Variants in ADAMTS2 observed in about 807,000 individuals in gnomAD.
ADAMTS2 encodes A disintegrin and metalloproteinase with thrombospondin motifs 2.
In ADAMTS2, 50 loss-of-function variants were observed where a neutral mutation model predicts 123.0. The ratio of observed to expected loss-of-function variants is 0.41; its 90% confidence interval spans 0.32 to 0.51. The LOEUF is 0.51. ADAMTS2 is among the 20% of genes least tolerant of loss of function. The pLI is 0.35. For synonymous variants in ADAMTS2, 678 were observed against 695.4 expected (o/e 0.98, Z 0.39); for missense variants, 1,494 against 1,705.2 (o/e 0.88, Z 2.18).
intron 3 of ADAMTS2, among the ~76,000 whole-genome samples, chr5:179,213,681 A>G (rs796332727): frequency 6.6e-6 from 1 of 152,228 alleles, no homozygotes; most frequent in African/African-American, 2.4e-5. Flanking sequence ...TCCAGCTACA[A>G]ATTACTTGCA....
intron 5 of ADAMTS2, among the ~76,000 whole-genome samples, chr5:179,176,097 C>T (rs927741071): frequency 6.6e-5 from 10 of 152,214 alleles, no homozygotes; most frequent in Non-Finnish European, 1.5e-4. Context: ...GTAACATCTA[C>T]TCATATCCTA....
At chr5:179,227,839 G>T (rs1018204103) in intron 3 of ADAMTS2, among the ~76,000 whole-genome samples, 17 of 152,148 alleles carry the variant, frequency 1.1e-4, no homozygotes, top group Non-Finnish European at 2.2e-4. Flanking sequence ...GAGACTAGAG[G>T]GGGCAGGGCA....
intron 21 of ADAMTS2, 78 bp downstream of exon 21, chr5:179,121,582 AG>A (rs1192288475): frequency 5.1e-6 from 6 of 1,184,210 alleles, no homozygotes; most frequent in East Asian, 5.3e-5. Context: ...GACAGAGAGG[AG>A]GGGGGCCCAA....
At chr5:179,122,541 C>G (rs1762781022) in intron 20 of ADAMTS2, 103 bp downstream of exon 20, 4 of 1,473,152 alleles carry the variant, frequency 2.7e-6, no homozygotes, top group Admixed American at 2.0e-5. Flanking sequence ...TTGAGTCCAG[C>G]TACTCTCCGG....
At chr5:179,220,000 G>C (rs951961417) in intron 3 of ADAMTS2, among the ~76,000 whole-genome samples, 1 of 152,168 alleles carries the variant, frequency 6.6e-6, no homozygotes, top group African/African-American at 2.4e-5. Context: ...CCCCTGCCTA[G>C]CATCTGCTTA....
intron 4 of ADAMTS2, among the ~76,000 whole-genome samples, chr5:179,184,509 T>TCAAAA (rs1290290563): frequency 3.3e-5 from 3 of 91,416 alleles, no homozygotes; most frequent in African/African-American, 1.4e-4. Flanking sequence ...AGACTCTGTC[T>TCAAAA]AAAAAAAAAA....
intron 10 of ADAMTS2, among the ~76,000 whole-genome samples, chr5:179,147,340 C>T (rs1399027732): frequency 2.6e-5 from 4 of 152,200 alleles, no homozygotes; most frequent in South Asian, 2.1e-4. Flanking sequence ...CCGCCCACCT[C>T]GGCCTCCCAA....
intron 3 of ADAMTS2, among the ~76,000 whole-genome samples, chr5:179,270,105 C>A (rs559517137): frequency 6.6e-6 from 1 of 152,194 alleles, no homozygotes. Flanking sequence ...GCTTTAAAAC[C>A]GTCATTTTCT....
chr5:179,333,418 G>C (rs1278026791), intron 2 of ADAMTS2, among the ~76,000 whole-genome samples: 1 of 152,176 alleles, frequency 6.6e-6, no homozygotes, highest in Non-Finnish European at 1.5e-5. Context: ...TGTAGCTTTT[G>C]AAAAGTACAG....
chr5:179,246,194 A>T (rs1736612187), intron 3 of ADAMTS2, among the ~76,000 whole-genome samples: 1 of 152,118 alleles, frequency 6.6e-6, no homozygotes, highest in Admixed American at 6.5e-5. Flanking sequence ...GGTTGCTGAT[A>T]CCAACCTACA....
Position 179,158,261 on chromosome 5 carries a change from G to A in ADAMTS2, c.1132+462C>T, listed in dbSNP as rs935345784. Among the ~76,000 whole-genome samples the A allele has an allele frequency of 1.3e-5, 2 of 152,108 alleles. No individual in the cohort carries two copies. The highest frequency in any genetic ancestry group is 2.4e-5 in the African/African-American group (1 of 41,416). On this transcript the variant is annotated intron_variant, in intron 6 of 21. Transcript: ENST00000251582. This position sits in a 1 kb window ranked among gnomAD's most constrained non-coding sequence, Gnocchi z 5.0. ...ATTACAGGTGTGAACCACCGCGCCC[G>A]GCCTTTTGTCTCTTTTTAAAGAAAA...
At chr5:179,333,351 C>T (rs890246230) in intron 2 of ADAMTS2, among the ~76,000 whole-genome samples, 2 of 152,206 alleles carry the variant, frequency 1.3e-5, no homozygotes, top group Non-Finnish European at 2.9e-5. Context: ...TGTGAGCCCC[C>T]ACTCCCCACA....
intron 10 of ADAMTS2, among the ~76,000 whole-genome samples, chr5:179,146,137 G>A (rs1027516918): frequency 1.3e-5 from 2 of 152,176 alleles, no homozygotes; most frequent in Admixed American, 1.3e-4. Context: ...TTACAGGCAT[G>A]AGCCACTGCA....
At chr5:179,149,771 T>C (rs1250328584) in intron 10 of ADAMTS2, among the ~76,000 whole-genome samples, 3 of 152,040 alleles carry the variant, frequency 2.0e-5, no homozygotes, top group Non-Finnish European at 4.4e-5. Context: ...TCTTCCACGT[T>C]CCCCCAACAT....
At chr5:179,258,927 G>A (rs534862844) in intron 3 of ADAMTS2, among the ~76,000 whole-genome samples, 28 of 152,286 alleles carry the variant, frequency 1.8e-4, no homozygotes, top group African/African-American at 2.6e-4. Context: ...GCACGATGGC[G>A]CTGAGGGGCT....
intron 9 of ADAMTS2, 34 bp downstream of exon 9, chr5:179,153,451 CAGACCT>C (rs751953950): frequency 6.2e-7 from 1 of 1,601,986 alleles, no homozygotes; most frequent in Admixed American, 1.7e-5. Flanking sequence ...CGCCTCCCCC[CAGACCT>C]GGGAGGGTCC....
At chr5:179,302,909 G>A (rs1003070299) in intron 2 of ADAMTS2, among the ~76,000 whole-genome samples, 13 of 150,074 alleles carry the variant, frequency 8.7e-5, no homozygotes, top group Admixed American at 3.3e-4. Flanking sequence ...TGTGAGTGGA[G>A]TGTGGAGAGC....
intron 4 of ADAMTS2, among the ~76,000 whole-genome samples, chr5:179,200,126 C>T (rs1383202425): frequency 4.6e-5 from 7 of 152,000 alleles, no homozygotes; most frequent in Admixed American, 1.3e-4. Flanking sequence ...CAGTGTTCCC[C>T]ACTGGTAATA....
rs1757926449 is a variant in ADAMTS2, at chr5:179,345,444, G to C, written c.-116C>G. 3.1e-6 allele frequency: 3 copies of C among 965,618 alleles called. No individual in the cohort carries two copies. Among genetic ancestry groups the C allele is most frequent in the Admixed American group, 5.6e-5 (1 of 17,954 alleles). 59.8% of individuals were successfully genotyped at this position (965,618 alleles called of 1,614,324 possible). A position where few individuals can be genotyped will look rare whatever the true frequency, so the allele number is the denominator to read the frequency against. ...CCGCCCGCAGCTGCAGCACCGCAGG[G>C]CGCGGGGCGGAGGAGGCGAGGCGCG... is the stretch of plus-strand genomic sequence containing the variant. On this transcript the variant is annotated 5_prime_UTR_variant, in exon 1 of 22. Transcript: ENST00000251582. The surrounding 1 kb of genome is among the most constrained non-coding windows in gnomAD (Gnocchi z 7.5).
Sources: gnomAD v4.1 joint callset for allele counts (sites outside exome capture counted in the v4.1 genomes callset) on GRCh38, gnomAD v4.1.1 for gene constraint, Gnocchi (gnomAD v3.1) non-coding constraint, MANE v1.5 for transcripts, NCBI Gene and HGNC (gene_info 2026-07-23, HGNC 2026-07-21) for gene names.